RINL: variants seen among roughly 807,000 people sequenced by gnomAD.
The protein encoded by RINL is ras and Rab interactor-like protein.
A neutral mutation model predicts 58.1 loss-of-function variants in RINL; 39 were observed. The ratio of observed to expected loss-of-function variants is 0.67; its 90% CI spans 0.52 to 0.88. The LOEUF (loss-of-function observed/expected upper bound fraction) is 0.88, where lower values mean the gene tolerates loss of function less well. RINL is among the 40% of genes least tolerant of loss of function. The probability of loss-of-function intolerance (pLI) is 0.00; values close to 1 mark genes in which losing one functional copy is unlikely to be tolerated. For missense variants in RINL, 711 were observed against 749.2 expected, an observed-to-expected ratio of 0.95 and a Z score of 0.60; for synonymous variants, 286 against 323.1, an observed-to-expected ratio of 0.89 and a Z score of 1.23.
chr19:38,878,015 G>T (rs1972979900), intron 1 of RINL, among the ~76,000 whole-genome samples: 1 of 152,214 alleles, frequency 6.6e-6, no homozygotes, highest in Admixed American at 6.5e-5. Context: ...AGGAAGGAGG[G>T]AGGTGGGCAG....
intron 4 of RINL, among the ~76,000 whole-genome samples, chr19:38,872,210 G>A (rs1236853620): frequency 6.6e-6 from 1 of 152,194 alleles, no homozygotes; most frequent in African/African-American, 2.4e-5. Flanking sequence ...AACAGTCAGG[G>A]TACGGTGGCT....
intron 1 of RINL, 139 bp from the exon 2 acceptor site, chr19:38,876,920 T>C (rs1362760739): frequency 3.3e-6 from 2 of 601,068 alleles, no homozygotes; most frequent in Non-Finnish European, 5.9e-6. Flanking sequence ...GTTAATTCTT[T>C]ATTTTATTTT....
rs1428701976 is a variant in RINL at position 38,871,883 on chromosome 19, G to A, written c.314-13C>T. The A allele has an allele frequency of 1.2e-6, 2 of 1,608,464 alleles. No individual in the cohort carries two copies. Among genetic ancestry groups the A allele is most frequent in the Non-Finnish European group, 8.5e-7 (1 of 1,175,296 alleles). ...TCCAGGGACACACCTGTGGTGGGGG[G>A]AGGAAGAAGGAGAAAGTAAACTTGA... On this transcript the variant is annotated splice_polypyrimidine_tract_variant and intron_variant, in intron 4 of 11. Transcript: ENST00000591812.
chr19:38,869,383 C>G lies in RINL; in HGVS notation c.1502G>C (p.Gly501Ala). The change falls in exon 11 of 12, where the codon GGG becomes GCG. Residue 501 changes from glycine to alanine, a missense_variant. Coordinates refer to ENST00000591812, the MANE Select transcript of RINL (RefSeq NM_001195833.2). The surrounding 1 kb of genome is among the most constrained non-coding windows in gnomAD (Gnocchi z 5.7). ...EAGYYLTTWF[G>A]ALHHIAHYQP... ...GTAGTGGGCAATGTGGTGCAGCGCC[C>G]CAAACCACGTGGTCAGGTAGTACCC... 6.2e-7 allele frequency: 1 copy of G among 1,609,320 alleles called. No homozygotes were observed.
rs1488264934 is a variant in RINL, at chr19:38,869,972, T to C, written c.1313A>G (p.Tyr438Cys). 7 of 1,600,032 alleles carry C rather than the reference T, an allele frequency of 4.4e-6. No individual in the cohort carries two copies. Among genetic ancestry groups the C allele is most frequent in the Admixed American group, 1.7e-5 (1 of 58,206 alleles). Residue 438 changes from tyrosine to cysteine, a missense_variant, in exon 9 of 12, where the codon TAT (tyrosine) becomes TGT (cysteine). By Grantham distance (194) the Tyr-to-Cys change is radical. Coordinates refer to ENST00000591812, the MANE Select transcript of RINL (RefSeq NM_001195833.2). This position sits in a 1 kb window ranked among gnomAD's most constrained non-coding sequence, Gnocchi z 5.7. ...GTTCTCGCCTCGAGCCAGGCCCGCA[T>C]AGACATCTCTGCACACCTCCAAGAG... ...ALLLEVCRDV[Y>C]AGLARGENQD...
In RINL at chr19:38,876,352, A is replaced by C; in HGVS notation, c.189T>G (p.Leu63=). ...TCACCCCTAGTGGCCACAGCCCCAC[A>C]AGGGCCTCCGCATCCTGGGTATCCA... ...PELDTQDAEA[L]VGLWPLGSFL... The change falls in exon 3 of 12, where the codon CTT becomes CTG. Residue 63 remains leucine, a synonymous_variant. Coordinates refer to ENST00000591812, the MANE Select transcript of RINL (RefSeq NM_001195833.2). 1 of 1,536,046 alleles carries C rather than the reference A, an allele frequency of 6.5e-7. No individual in the cohort carries two copies.
Position 38,868,981 on chromosome 19 carries a change from T to C in RINL, c.*123A>G, listed in dbSNP as rs968874728. On this transcript the variant is annotated 3_prime_UTR_variant, in exon 12 of 12. Transcript: ENST00000591812. ...GCTAATTTTTGTTTTTTTTTTTTTT[T>C]GGTAGATGGGGGTCCCACTGTTTTG... is the stretch of plus-strand genomic sequence containing the variant. 4.9e-6 allele frequency: 4 copies of C among 812,940 alleles called. No individual in the cohort carries two copies. In the African/African-American group the frequency reaches 6.8e-5, roughly 14 times the overall value. The allele number at this position is 812,940 out of a possible 1,614,324, so 50.4% of individuals were successfully genotyped here. A position where few individuals can be genotyped will look rare whatever the true frequency, so the allele number is the denominator to read the frequency against.
chr19:38,871,601 G>T, intron 6 of RINL, 46 bp downstream of exon 6: 6 of 1,566,806 alleles, frequency 3.8e-6, no homozygotes, highest in Non-Finnish European at 5.3e-6. Context: ...TTGGAGCAAG[G>T]AAATTGGCAG....
chr19:38,871,054 G>T, intron 7 of RINL, 24 bp downstream of exon 7: 2 of 1,579,996 alleles, frequency 1.3e-6, no homozygotes, highest in South Asian at 1.2e-5. Flanking sequence ...CCCCTTCAGA[G>T]GCCCAGGGCC....
At chr19:38,874,863 G>A (rs778712812) in intron 3 of RINL, among the ~76,000 whole-genome samples, 1 of 152,120 alleles carries the variant, frequency 6.6e-6, no homozygotes, top group Non-Finnish European at 1.5e-5. Context: ...AGCCGGGCAC[G>A]GTGGCTCACG....
rs1346362202 is a variant in RINL, at chr19:38,870,226, C to T, written c.1059G>A (p.Val353=). 7.2e-7 allele frequency: 1 copy of T among 1,385,138 alleles called. No individual in the cohort carries two copies. The highest frequency in any genetic ancestry group is 9.3e-7 in the Non-Finnish European group (1 of 1,077,564). 85.8% of individuals were successfully genotyped at this position (1,385,138 alleles called of 1,614,324 possible). A position where few individuals can be genotyped will look rare whatever the true frequency, so the allele number is the denominator to read the frequency against. ...ACAGGGCCGGCTTCAGGGGCGCCAG[C>T]ACCGCCTGGCACACCGCCGTCTCCA... ...PALETAVCQA[V]LAPLKPALWT... Residue 353 remains valine, a synonymous_variant, in exon 9 of 12, where the codon GTG becomes GTA. Transcript: ENST00000591812. The surrounding 1 kb of genome is among the most constrained non-coding windows in gnomAD (Gnocchi z 5.8).
In RINL at chr19:38,869,072, A is replaced by G. The variant is rs1256162999; in HGVS notation, c.*32T>C. The G allele has an allele frequency of 6.5e-7, 1 of 1,543,070 alleles. No homozygotes were observed. ...CACCTTGGCCTCCCAAAATGTTGGG[A>G]TTACAGGCATGAACGGAGGGGTGTG... On this transcript the variant is annotated 3_prime_UTR_variant, in exon 12 of 12. Coordinates refer to ENST00000591812, the MANE Select transcript of RINL (RefSeq NM_001195833.2). The surrounding 1 kb of genome is among the most constrained non-coding windows in gnomAD (Gnocchi z 5.7).
chr19:38,870,866 T>A lies in RINL; in HGVS notation c.728A>T (p.Glu243Val), dbSNP rs762744479. 6.9e-6 allele frequency: 11 copies of A among 1,605,364 alleles called. No homozygotes were observed. In the East Asian group the frequency reaches 2.2e-4, roughly 33 times the overall value. ...TTCAGGGTCGTCCTCCCTTCCTTCCTCCTTTCCTTCAAGGTCTTCCTCCTC... is the reference window on the plus strand; with the variant it reads ...TTCAGGGTCGTCCTCCCTTCCTTCCACCTTTCCTTCAAGGTCTTCCTCCTC... ...EEEEEDLEGK[E>V]EGREDDPEEE... The change falls in exon 8 of 12, where the codon GAG becomes GTG. Residue 243 changes from glutamate to valine, a missense_variant. By Grantham distance (121) the Glu-to-Val change is moderately radical. Transcript: ENST00000591812. The surrounding 1 kb of genome is among the most constrained non-coding windows in gnomAD (Gnocchi z 5.8).
chr19:38,874,819 T>C (rs749234969), intron 3 of RINL, among the ~76,000 whole-genome samples: 10 of 152,196 alleles, frequency 6.6e-5, no homozygotes, highest in Non-Finnish European at 1.0e-4. Context: ...TCTGGCTGTA[T>C]ACGTCCCAAG....
In RINL at chr19:38,871,902, AAC is replaced by A. The variant is rs1568387414; in HGVS notation, c.314-34_314-33del. ...TGGGGGGAGGAAGAAGGAGAAAGTA[AAC>A]TTGAGTGGTGGCAGTTTTCTGTCCC... On this transcript the variant is annotated intron_variant, in intron 4 of 11. Coordinates refer to ENST00000591812, the MANE Select transcript of RINL (RefSeq NM_001195833.2). The A allele has an allele frequency of 2.5e-6, 4 of 1,569,176 alleles. No homozygotes were observed. In the South Asian group the frequency reaches 4.5e-5, roughly 17 times the overall value.
intron 3 of RINL, 120 bp from the exon 4 acceptor site, chr19:38,874,108 A>C: frequency 8.0e-6 from 5 of 628,414 alleles, no homozygotes; most frequent in Non-Finnish European, 1.4e-5. Flanking sequence ...CTTTAGGGAA[A>C]CCCTCTCCCT....
Position 38,868,970 on chromosome 19 carries a change from T to TG in RINL, c.*133_*134insC. ...CACCACGCCCGGCTAATTTTTGTTT[T>TG]TTTTTTTTTTTGGTAGATGGGGGTC... is the stretch of plus-strand genomic sequence containing the variant. On this transcript the variant is annotated 3_prime_UTR_variant, in exon 12 of 12. Coordinates refer to ENST00000591812, the MANE Select transcript of RINL (RefSeq NM_001195833.2). 1.6e-5 allele frequency: 13 copies of TG among 789,610 alleles called. No individual in the cohort carries two copies. Among genetic ancestry groups the TG allele is most frequent in the Middle Eastern group, 3.3e-4 (1 of 3,016 alleles). 48.9% of individuals were successfully genotyped at this position (789,610 alleles called of 1,614,324 possible). A position where few individuals can be genotyped will look rare whatever the true frequency, so the allele number is the denominator to read the frequency against.
At chr19:38,875,570 A>C (rs529468103) in intron 3 of RINL, among the ~76,000 whole-genome samples, 1 of 151,390 alleles carries the variant, frequency 6.6e-6, no homozygotes, top group Admixed American at 6.6e-5. Context: ...CCAGCTACTC[A>C]GGAGGCTGAG....
chr19:38,869,524 C>A lies in RINL; in HGVS notation c.1474+49G>T. 8 of 1,604,030 alleles carry A rather than the reference C, an allele frequency of 5.0e-6. No homozygotes were observed. Among genetic ancestry groups the A allele is most frequent in the South Asian group, 1.1e-5 (1 of 90,524 alleles). Reference sequence around the variant, plus strand: ...TGCGGGGGGAGGCTGTTTGGGATCCCGGAGGTACTGGATCGCTGGGCTCCA... The same window carrying A: ...TGCGGGGGGAGGCTGTTTGGGATCCAGGAGGTACTGGATCGCTGGGCTCCA... On this transcript the variant is annotated intron_variant, in intron 10 of 11. Coordinates refer to ENST00000591812, the MANE Select transcript of RINL (RefSeq NM_001195833.2). This position sits in a 1 kb window ranked among gnomAD's most constrained non-coding sequence, Gnocchi z 5.7.
Sources: gnomAD v4.1 joint callset for allele counts (sites outside exome capture counted in the v4.1 genomes callset) on GRCh38, gnomAD v4.1.1 for gene constraint, Gnocchi (gnomAD v3.1) non-coding constraint, MANE v1.5 for transcripts, NCBI Gene and HGNC (gene_info 2026-07-23, HGNC 2026-07-21) for gene names.